Variants in ENGASE observed in about 807,000 individuals in gnomAD.
ENGASE encodes the protein cytosolic endo-beta-N-acetylglucosaminidase.
A neutral mutation model predicts 78.5 loss-of-function variants in ENGASE; 69 were observed. The observed-to-expected ratio is 0.88, with a 90% CI of 0.72 to 1.07. ENGASE has a LOEUF of 1.07. ENGASE is among the 50% of genes least tolerant of loss of function. ENGASE has a pLI of 0.00. For missense variants in ENGASE, 943 were observed against 988.4 expected (o/e 0.95, Z 0.62); for synonymous variants, 408 against 408.9 (o/e 1.00, Z 0.03).
Position 79,081,076 on chromosome 17 carries a change from G to GCACAAC in ENGASE, c.872+3_872+4insCACAAC. 6.3e-7 allele frequency: 1 copy of GCACAAC among 1,587,408 alleles called. No individual in the cohort carries two copies. On this transcript the variant is annotated splice_donor_region_variant and intron_variant, in intron 6 of 13. Transcript: ENST00000579016. ...GACGAACTCAACCAGCACAACAGGTGAGCCTGCAGACAGGTGCTGTGAGGG... is the reference window on the plus strand; with the variant it reads ...GACGAACTCAACCAGCACAACAGGTGCACAACAGCCTGCAGACAGGTGCTGTGAGGG...
intron 4 of ENGASE, among the ~76,000 whole-genome samples, chr17:79,079,936 C>G (rs1308738090): frequency 2.6e-5 from 4 of 152,254 alleles, no homozygotes; most frequent in African/African-American, 7.2e-5. Flanking sequence ...TAGTAGTGGG[C>G]ATCGGCCCAA....
At chr17:79,081,171 A>C in intron 6 of ENGASE, 98 bp downstream of exon 6, 1 of 1,340,718 alleles carries the variant, frequency 7.5e-7, no homozygotes, top group Non-Finnish European at 1.0e-6. Flanking sequence ...AGTCTCCCTC[A>C]TGGAGGTGAT....
chr17:79,085,654 C>T lies in ENGASE; in HGVS notation c.1735C>T (p.Leu579=), dbSNP rs976820151. Residue 579 remains leucine (L), a synonymous_variant, in exon 13 of 14, where the codon CTA becomes TTA. Coordinates refer to ENST00000579016, the MANE Select transcript of ENGASE (RefSeq NM_001042573.3). ...GGTGAGCCTGCGTGGGTGCCTGCTG[C>T]TAGACCTCCTCGTTTGCTTCTCACG... ...YEVSLRGCLL[L]DLLVCFSRPP... is the part of the protein sequence containing the mutation. 1 of 1,613,988 alleles carries T rather than the reference C, an allele frequency of 6.2e-7. No homozygotes were observed. Among genetic ancestry groups the T allele is most frequent in the Non-Finnish European group, 8.5e-7 (1 of 1,180,004 alleles).
In ENGASE at chr17:79,085,923, C is replaced by A. The variant is rs1398156756; in HGVS notation, c.1816-10C>A. On this transcript the variant is annotated splice_polypyrimidine_tract_variant and intron_variant, in intron 13 of 13. Transcript: ENST00000579016. ...GGCGTCCAGCCGTGCTGAGCCTTCT[C>A]TCCTGCCAGGTGGTGGACGCTGCCA... 13 of 1,590,338 alleles carry A rather than the reference C, an allele frequency of 8.2e-6. No individual in the cohort carries two copies. Among genetic ancestry groups the A allele is most frequent in the Non-Finnish European group, 1.1e-5 (13 of 1,172,410 alleles).
chr17:79,082,307 CAG>C (rs2073165136), intron 7 of ENGASE: 1 of 1,417,158 alleles, frequency 7.1e-7, no homozygotes, highest in Admixed American at 2.3e-5. Context: ...TGTTACCAGA[CAG>C]AGGCGCGTCG....
chr17:79,074,858 T>A lies in ENGASE; in HGVS notation c.-87T>A, dbSNP rs561077813. On this transcript the variant is annotated 5_prime_UTR_variant, in exon 1 of 14. Coordinates refer to ENST00000579016, the MANE Select transcript of ENGASE (RefSeq NM_001042573.3). Reference sequence around the variant, plus strand: ...CTCGGAGTCCCGTCCCAGCGCGGCGTCAGCGCTGCGCACTTCCCATTGGCC... The same window carrying A: ...CTCGGAGTCCCGTCCCAGCGCGGCGACAGCGCTGCGCACTTCCCATTGGCC... The A allele has an allele frequency of 7.9e-5, 95 of 1,209,606 alleles. 1 individual carries two copies. The South Asian group carries it at 1.5e-3, about 20-fold the overall frequency. 74.9% of individuals were successfully genotyped at this position (1,209,606 alleles called of 1,614,324 possible).
In ENGASE at chr17:79,084,531, T is replaced by C. The variant is rs1568093417; in HGVS notation, c.1443-7T>C. On this transcript the variant is annotated splice_region_variant and splice_polypyrimidine_tract_variant and intron_variant, in intron 10 of 13. Coordinates refer to ENST00000579016, the MANE Select transcript of ENGASE (RefSeq NM_001042573.3). ...CACGGCACCCATCACAGGACCTTTT[T>C]CCCCAGGTTATTTTCCCTGCAGGCC... 6.4e-7 allele frequency: 1 copy of C among 1,560,912 alleles called. No homozygotes were observed.
At chr17:79,076,934 ACAGTCCCGGCTCACTGCAACCTT>A (rs1264326708) in intron 1 of ENGASE, among the ~76,000 whole-genome samples, 2 of 152,114 alleles carry the variant, frequency 1.3e-5, no homozygotes, top group Non-Finnish European at 2.9e-5. Flanking sequence ...GTGTAGTGGC[ACAGTCCCGGCTCACTGCAACCTT>A]CGCCTCCCAG....
rs764588121 is a variant in ENGASE at position 79,080,314 on chromosome 17, C to T, written c.673C>T (p.Gln225Ter). 1.9e-6 allele frequency: 3 copies of T among 1,613,842 alleles called. No homozygotes were observed. The highest frequency in any genetic ancestry group is 1.7e-6 in the Non-Finnish European group (2 of 1,180,022). The change falls in exon 5 of 14, where the codon CAG becomes TAG. Residue 225 changes from glutamine (Q) to a stop codon, truncating the protein, a stop_gained. Coordinates refer to ENST00000579016, the MANE Select transcript of ENGASE (RefSeq NM_001042573.3). LOFTEE classifies it high-confidence loss of function. ...AVADRLVQIT[Q>*]FFRFDGWLIN... ...GGCTGACCGGCTGGTCCAGATCACT[C>T]AGTTTTTTCGTTTTGATGGCTGGCT...
In ENGASE at chr17:79,077,702, T is replaced by G; in HGVS notation, c.254T>G (p.Phe85Cys). 1 of 1,614,206 alleles carries G rather than the reference T, an allele frequency of 6.2e-7. No individual in the cohort carries two copies. Among genetic ancestry groups the G allele is most frequent in the Non-Finnish European group, 8.5e-7 (1 of 1,180,056 alleles). ...AAGGACACCACCAAACCAATCAGCTTTTACTTGTCTTCGCTGGAGGAGCTC... is the reference window on the plus strand; with the variant it reads ...AAGGACACCACCAAACCAATCAGCTGTTACTTGTCTTCGCTGGAGGAGCTC... ...YDKDTTKPIS[F>C]YLSSLEELLA... Residue 85 changes from phenylalanine to cysteine, a missense_variant, in exon 3 of 14, where the codon TTT becomes TGT. Physicochemically the swap from Phe to Cys is radical, Grantham distance 205. Transcript: ENST00000579016.
Position 79,083,865 on chromosome 17 carries a change from C to G in ENGASE, c.1356C>G (p.His452Gln). Residue 452 changes from histidine to glutamine, a missense_variant, in exon 10 of 14, where the codon CAC (histidine) becomes CAG (glutamine). Physicochemically the swap from His to Gln is conservative, Grantham distance 24 (BLOSUM62 0). Transcript: ENST00000579016. This position sits in a 1 kb window ranked among gnomAD's most constrained non-coding sequence, Gnocchi z 4.9. ...GGDGRGWVRTHCCLEDAWHGG... is the reference protein window; with the variant it reads ...GGDGRGWVRTQCCLEDAWHGG... The stretch of plus-strand genomic sequence containing the variant: ...ATGGCCGGGGCTGGGTGAGGACGCA[C>G]TGCTGCCTGGAGGATGCCTGGCACG... 6.2e-7 allele frequency: 1 copy of G among 1,612,758 alleles called. No homozygotes were observed. Among genetic ancestry groups the G allele is most frequent in the Non-Finnish European group, 8.5e-7 (1 of 1,179,848 alleles).
chr17:79,085,569 C>G (rs1359978628), intron 12 of ENGASE, 51 bp from the exon 13 acceptor site: 3 of 1,604,314 alleles, frequency 1.9e-6, no homozygotes, highest in Non-Finnish European at 2.5e-6. Flanking sequence ...ACGGCTCACC[C>G]TGGAGCCTCT....
rs2073271870 is a variant in ENGASE, at chr17:79,085,568, C to T, written c.1701-52C>T. ...GGCTTGGGGCCTCTGGACGGCTCAC[C>T]CTGGAGCCTCTGGGCTGAGCCCGGC... On this transcript the variant is annotated intron_variant, in intron 12 of 13. Coordinates refer to ENST00000579016, the MANE Select transcript of ENGASE (RefSeq NM_001042573.3). 11 of 1,603,918 alleles carry T rather than the reference C, an allele frequency of 6.9e-6. 1 individual carries two copies. In the South Asian group the frequency reaches 1.2e-4, roughly 18 times the overall value.
At position 79,083,124 on chromosome 17, in the gene ENGASE, G is replaced by C. The variant is rs562247127; in HGVS notation, c.1142+1G>C. On this transcript the variant is annotated splice_donor_variant, in intron 8 of 13. Transcript: ENST00000579016. LOFTEE classifies it high-confidence loss of function. This position sits in a 1 kb window ranked among gnomAD's most constrained non-coding sequence, Gnocchi z 4.9. ...AGGATTTCTTCCAGAACCAGGACAA[G>C]TGAGTCCTGCTGTCCTGGGTGCTTA... 5 of 1,606,958 alleles carry C rather than the reference G, an allele frequency of 3.1e-6. No homozygotes were observed. In the East Asian group the frequency reaches 1.1e-4, roughly 36 times the overall value.
Position 79,083,035 on chromosome 17 carries a change from C to G in ENGASE, c.1054C>G (p.Arg352Gly). ...GTCTCTTCAGTCGTTGGAGCTGATC[C>G]GAAAGCATGGCTTCTCCGTGGCTTT... ...FDTDKSLELIRKHGFSVALFA... is the reference protein window; with the variant it reads ...FDTDKSLELIGKHGFSVALFA... The change falls in exon 8 of 14, where the codon CGA becomes GGA. Residue 352 changes from arginine (R) to glycine (G), a missense_variant. By Grantham distance (125) the Arg-to-Gly change is moderately radical (BLOSUM62 -2). Transcript: ENST00000579016. This position sits in a 1 kb window ranked among gnomAD's most constrained non-coding sequence, Gnocchi z 4.9. 4.3e-6 allele frequency: 7 copies of G among 1,613,942 alleles called. No individual in the cohort carries two copies. Among genetic ancestry groups the G allele is most frequent in the Non-Finnish European group, 5.9e-6 (7 of 1,179,942 alleles).
Position 79,087,046 on chromosome 17 carries a change from C to A in ENGASE, c.*697C>A. 1 of 484,112 alleles carries A rather than the reference C, an allele frequency of 2.1e-6. No homozygotes were observed. The highest frequency in any genetic ancestry group is 4.1e-6 in the Non-Finnish European group (1 of 242,282). 30.0% of individuals were successfully genotyped at this position (484,112 alleles called of 1,614,324 possible). On this transcript the variant is annotated 3_prime_UTR_variant, in exon 14 of 14. Coordinates refer to ENST00000579016, the MANE Select transcript of ENGASE (RefSeq NM_001042573.3). ...GTCATCTCCGGAGCGTTTTCAGCAG[C>A]CCCTGGCTCTGCGGCGTCTCTTCCG...
At chr17:79,082,495 CGAG>C (rs2073171733) in intron 7 of ENGASE, 15 of 1,203,578 alleles carry the variant, frequency 1.2e-5, no homozygotes, top group Non-Finnish European at 1.6e-5. Flanking sequence ...GGTGTCATGA[CGAG>C]GGAGCATTTT....
rs755437956 is a variant in ENGASE, at chr17:79,086,204, G to A, written c.2087G>A (p.Arg696Gln). 13 of 1,613,600 alleles carry A rather than the reference G, an allele frequency of 8.1e-6. No individual in the cohort carries two copies. The Admixed American group carries it at 1.5e-4, about 19-fold the overall frequency. ...GGGTTGGCTTTTGCCACCCAGTACC[G>A]GATAGTGGACCTGCTGGTGGAAGCC... ...FLGLAFATQY[R>Q]IVDLLVEAAG... Residue 696 changes from arginine (R) to glutamine (Q), a missense_variant, in exon 14 of 14, where the codon CGG becomes CAG. Arg to Gln is a conservative substitution (Grantham distance 43). Transcript: ENST00000579016.
At chr17:79,082,415 G>A in intron 7 of ENGASE, 3 of 1,230,370 alleles carry the variant, frequency 2.4e-6, no homozygotes, top group Non-Finnish European at 2.1e-6. Flanking sequence ...GACGCACAGG[G>A]GCCTGCAGCG....
Sources: allele counts gnomAD v4.1 joint callset (sites outside exome capture counted in the v4.1 genomes callset), GRCh38; gene constraint gnomAD v4.1.1; non-coding constraint Gnocchi (gnomAD v3.1); transcripts MANE v1.5; gene names NCBI Gene and HGNC (gene_info 2026-07-23, HGNC 2026-07-21).